The following MELK variants were observed in gnomAD, a reference collection of about 807,000 sequenced individuals.
MELK encodes maternal embryonic leucine zipper kinase.
MELK carries 81 observed loss-of-function variants against 85.0 expected under a neutral mutation model. The observed-to-expected ratio is 0.95, with a 90% CI of 0.80 to 1.15. The LOEUF is 1.15. MELK is among the 50% of genes most tolerant of loss of function. MELK has a pLI of 0.00. For missense variants in MELK, 754 were observed against 777.5 expected (o/e 0.97, Z 0.36); for synonymous variants, 252 against 265.0 (o/e 0.95, Z 0.48).
At chr9:36,583,413 G>GT (rs1055985945) in intron 2 of MELK, among the ~76,000 whole-genome samples, 32 of 135,412 alleles carry the variant, frequency 2.4e-4, no homozygotes, top group East Asian at 6.5e-4. Flanking sequence ...AGTGAGTTCT[G>GT]TTTTTTTTTT....
At position 36,665,517 on chromosome 9, in the gene MELK, T is replaced by G. The variant is rs748535340; in HGVS notation, c.1344T>G (p.Val448=). 2.7e-5 allele frequency: 43 copies of G among 1,613,846 alleles called. No individual in the cohort carries two copies. The highest frequency in any genetic ancestry group is 3.5e-5 in the Non-Finnish European group (41 of 1,179,918). ...TGTTTCCTGAGCCAAAGACTCCAGT[T>G]AATAAGAACCAGCATAAGAGAGAAA... The part of the protein sequence containing the change: ...YFMFPEPKTP[V]NKNQHKREIL... The change falls in exon 14 of 18, where the codon GTT becomes GTG. Residue 448 remains valine (V), a synonymous_variant. Coordinates refer to ENST00000298048, the MANE Select transcript of MELK (RefSeq NM_014791.4).
chr9:36,640,306 C>G (rs1829641848), intron 10 of MELK, among the ~76,000 whole-genome samples: 1 of 152,220 alleles, frequency 6.6e-6, no homozygotes, highest in East Asian at 1.9e-4. Flanking sequence ...AAAAAAAGAT[C>G]AAGGCACCAG....
intron 8 of MELK, among the ~76,000 whole-genome samples, chr9:36,610,475 T>A (rs751308453): frequency 6.6e-6 from 1 of 152,218 alleles, no homozygotes; most frequent in Non-Finnish European, 1.5e-5. Context: ...GCGGTAGCTA[T>A]TAACACCGCT....
intron 9 of MELK, among the ~76,000 whole-genome samples, 170 bp from the exon 10 acceptor site, chr9:36,632,932 G>A (rs1828786006): frequency 6.6e-6 from 1 of 152,106 alleles, no homozygotes; most frequent in African/African-American, 2.4e-5. Flanking sequence ...TCTTGCCTCT[G>A]TTGCCTTTTT....
At chr9:36,664,017 T>C (rs1161017764) in intron 13 of MELK, among the ~76,000 whole-genome samples, 1 of 152,200 alleles carries the variant, frequency 6.6e-6, no homozygotes, top group Non-Finnish European at 1.5e-5. Context: ...ATCTTTCACG[T>C]ATCGTATGTC....
chr9:36,579,926 T>C (rs1358946009), intron 1 of MELK, among the ~76,000 whole-genome samples: 3 of 151,978 alleles, frequency 2.0e-5, no homozygotes. Context: ...GTAACCCACA[T>C]AAGTTGTGAA....
intron 8 of MELK, among the ~76,000 whole-genome samples, chr9:36,609,447 CTTTTTTTTTT>C (rs58390406): frequency 7.5e-6 from 1 of 132,748 alleles, no homozygotes; most frequent in African/African-American, 2.8e-5. Flanking sequence ...CTTTCTTCTT[CTTTTTTTTTT>C]TTTTTTTTGA....
intron 4 of MELK, among the ~76,000 whole-genome samples, chr9:36,591,624 G>T (rs545617210): frequency 1.3e-5 from 2 of 151,436 alleles, no homozygotes; most frequent in South Asian, 4.2e-4. Context: ...GAACCTAGGA[G>T]AAAATTTAAA....
chr9:36,619,581 G>A (rs1459726067), intron 8 of MELK, among the ~76,000 whole-genome samples: 1 of 152,134 alleles, frequency 6.6e-6, no homozygotes, highest in Non-Finnish European at 1.5e-5. Context: ...GATGTATGAT[G>A]TGTAAAACAA....
intron 8 of MELK, among the ~76,000 whole-genome samples, chr9:36,620,447 C>T (rs1827283352): frequency 6.6e-6 from 1 of 151,988 alleles, no homozygotes; most frequent in Admixed American, 6.6e-5. Context: ...TTGCAGTAAT[C>T]AGTTATTTTC....
intron 4 of MELK, among the ~76,000 whole-genome samples, chr9:36,593,832 C>T (rs1358519008): frequency 6.6e-6 from 1 of 152,130 alleles, no homozygotes; most frequent in Non-Finnish European, 1.5e-5. Context: ...GCTGGGATTA[C>T]AGGCGCCCGC....
chr9:36,626,641 C>G (rs939727629), intron 8 of MELK, among the ~76,000 whole-genome samples: 1 of 152,026 alleles, frequency 6.6e-6, no homozygotes, highest in African/African-American at 2.4e-5. Context: ...TCATCTATAT[C>G]TTGTTATTGG....
intron 9 of MELK, among the ~76,000 whole-genome samples, chr9:36,631,186 ACTC>A (rs1828574414): frequency 6.6e-6 from 1 of 151,200 alleles, no homozygotes. Context: ...CTGGTCTCGA[ACTC>A]CTGACCTCAC....
At chr9:36,576,026 G>A (rs1177036161) in intron 1 of MELK, among the ~76,000 whole-genome samples, 1 of 152,110 alleles carries the variant, frequency 6.6e-6, no homozygotes, top group Non-Finnish European at 1.5e-5. Context: ...TTTAGGATGA[G>A]GTTCCAGTTT....
chr9:36,616,340 T>C (rs924945366), intron 8 of MELK, among the ~76,000 whole-genome samples: 28 of 149,820 alleles, frequency 1.9e-4, no homozygotes, highest in African/African-American at 6.9e-4. Flanking sequence ...GTAACCCGAG[T>C]AGCTAGAAAG....
intron 3 of MELK, among the ~76,000 whole-genome samples, chr9:36,584,096 C>G (rs1292724975): frequency 6.6e-6 from 1 of 151,600 alleles, no homozygotes; most frequent in Non-Finnish European, 1.5e-5. Flanking sequence ...AGCTCCGCCT[C>G]CCGGGTTCAC....
intron 10 of MELK, among the ~76,000 whole-genome samples, chr9:36,637,904 A>G (rs778028521): frequency 7.2e-5 from 11 of 152,164 alleles, no homozygotes; most frequent in Non-Finnish European, 1.6e-4. Flanking sequence ...TTTAATATCT[A>G]TTGAGCAAAT....
chr9:36,637,609 T>G (rs1213894534), intron 10 of MELK, among the ~76,000 whole-genome samples: 1 of 152,248 alleles, frequency 6.6e-6, no homozygotes, highest in Non-Finnish European at 1.5e-5. Flanking sequence ...GACATGTGCA[T>G]GAATCAACAC....
In MELK at chr9:36,663,654, TTTCACTTAAGGTAACC is replaced by T. The variant is rs1467942591; in HGVS notation, c.1177-1694_1177-1679del. Among the ~76,000 whole-genome samples the T allele has an allele frequency of 5.3e-5, 8 of 152,220 alleles. 1 individual carries two copies. The South Asian group carries it at 1.4e-3, about 28-fold the overall frequency. ...TATTTGTCATTCTGTGTCTGGCTTG[TTTCACTTAAGGTAACC>T]TCCACTTCCATCCACCTTGTTGCAA... is the stretch of plus-strand genomic sequence containing the variant. On this transcript the variant is annotated intron_variant, in intron 13 of 17. Coordinates refer to ENST00000298048, the MANE Select transcript of MELK (RefSeq NM_014791.4).
Sources: allele counts gnomAD v4.1 joint callset (sites outside exome capture counted in the v4.1 genomes callset), GRCh38; gene constraint gnomAD v4.1.1; transcripts MANE v1.5; gene names NCBI Gene and HGNC (gene_info 2026-07-23, HGNC 2026-07-21).